Variants in CPA6 observed in about 807,000 individuals in gnomAD.
The protein encoded by CPA6 is carboxypeptidase A6.
In CPA6, 58 loss-of-function variants were observed where a neutral mutation model predicts 63.3. The ratio of observed to expected loss-of-function variants is 0.92; its 90% CI spans 0.74 to 1.14. CPA6 has a LOEUF of 1.14. Ranked by LOEUF, CPA6 falls within the 50% of genes most tolerant of loss-of-function variation. CPA6 has a pLI of 0.00. For synonymous variants in CPA6, 185 were observed against 179.0 expected (o/e 1.03, Z -0.27); for missense variants, 565 against 526.6 (o/e 1.07, Z -0.71).
intron 2 of CPA6, among the ~76,000 whole-genome samples, chr8:67,612,625 C>G (rs1814840463): frequency 6.6e-6 from 1 of 152,196 alleles, no homozygotes. Context: ...AGCAAAACAT[C>G]TAAGAGATGT....
At position 67,503,098 on chromosome 8, in the gene CPA6, G is replaced by T. The variant is rs1440910143; in HGVS notation, c.636+3689C>A. On this transcript the variant is annotated intron_variant, in intron 6 of 10. Coordinates refer to ENST00000297770, the MANE Select transcript of CPA6 (RefSeq NM_020361.5). ...CTGTTGCCCAGGCTGGAGTGTAGTG[G>T]CATGATCCTGGCTCACTGCAACCTC... Among the ~76,000 whole-genome samples, 4 of 151,892 alleles carry T rather than the reference G, an allele frequency of 2.6e-5. No individual in the cohort carries two copies. In the South Asian group the frequency reaches 8.3e-4, roughly 32 times the overall value.
At chr8:67,722,687 C>A (rs909668400) in intron 1 of CPA6, among the ~76,000 whole-genome samples, 2 of 152,046 alleles carry the variant, frequency 1.3e-5, no homozygotes, top group Admixed American at 6.6e-5. Context: ...CCCTATGATA[C>A]CCTTATTTCA....
intron 9 of CPA6, among the ~76,000 whole-genome samples, chr8:67,433,428 C>G (rs771423990): frequency 6.6e-6 from 1 of 152,148 alleles, no homozygotes; most frequent in Non-Finnish European, 1.5e-5. Context: ...GAGAAAGAAA[C>G]TCTGCTTTTT....
chr8:67,555,207 A>G (rs1240747256), intron 2 of CPA6, among the ~76,000 whole-genome samples: 1 of 152,176 alleles, frequency 6.6e-6, no homozygotes, highest in African/African-American at 2.4e-5. Context: ...GGAGGACCCT[A>G]GATAGCTTCA....
At chr8:67,433,268 G>A (rs894664790) in intron 9 of CPA6, among the ~76,000 whole-genome samples, 3 of 152,170 alleles carry the variant, frequency 2.0e-5, no homozygotes, top group African/African-American at 7.2e-5. Context: ...TTCCCCAGAG[G>A]TAAGTACCAC....
At chr8:67,595,415 G>T (rs570268136) in intron 2 of CPA6, among the ~76,000 whole-genome samples, 2 of 152,382 alleles carry the variant, frequency 1.3e-5, no homozygotes, top group East Asian at 1.9e-4. Flanking sequence ...CCTCAAAGCT[G>T]TCAGACAGGG....
At chr8:67,737,654 A>G (rs913634711) in intron 1 of CPA6, among the ~76,000 whole-genome samples, 2 of 152,194 alleles carry the variant, frequency 1.3e-5, no homozygotes, top group African/African-American at 2.4e-5. Flanking sequence ...CTGCTCTTTC[A>G]TCTCTGTAGT....
At chr8:67,525,257 A>G (rs1427392228) in intron 2 of CPA6, among the ~76,000 whole-genome samples, 2 of 152,222 alleles carry the variant, frequency 1.3e-5, no homozygotes, top group African/African-American at 2.4e-5. Flanking sequence ...AGTCCCAATA[A>G]TTCCAACAAA....
chr8:67,532,518 C>T (rs1812498652), intron 2 of CPA6, among the ~76,000 whole-genome samples: 1 of 151,768 alleles, frequency 6.6e-6, no homozygotes, highest in Admixed American at 6.6e-5. Flanking sequence ...CTCTACAAAA[C>T]AAAAAATACG....
At chr8:67,452,004 G>A (rs562445254) in intron 8 of CPA6, among the ~76,000 whole-genome samples, 29 of 152,220 alleles carry the variant, frequency 1.9e-4, no homozygotes, top group South Asian at 1.0e-3. Flanking sequence ...AAGAAAATAC[G>A]GAGTGATAAC....
intron 2 of CPA6, among the ~76,000 whole-genome samples, chr8:67,591,201 T>C (rs988604800): frequency 7.2e-5 from 11 of 152,210 alleles, no homozygotes; most frequent in African/African-American, 2.4e-4. Flanking sequence ...GTTGTAGATA[T>C]GCGGCATTAT....
At chr8:67,535,267 T>C (rs1812561304) in intron 2 of CPA6, among the ~76,000 whole-genome samples, 1 of 152,218 alleles carries the variant, frequency 6.6e-6, no homozygotes, top group Non-Finnish European at 1.5e-5. Context: ...TTCTAGATCC[T>C]TGAGGAATCA....
At chr8:67,688,746 AT>A (rs1655319569) in intron 1 of CPA6, among the ~76,000 whole-genome samples, 1 of 152,224 alleles carries the variant, frequency 6.6e-6, no homozygotes, top group African/African-American at 2.4e-5. Context: ...AAAAGAACAA[AT>A]GATTTTAACA....
chr8:67,683,869 G>A (rs528759166), intron 1 of CPA6, among the ~76,000 whole-genome samples: 47 of 151,590 alleles, frequency 3.1e-4, no homozygotes, highest in African/African-American at 1.1e-3. Context: ...CTGTTGCCCA[G>A]GCTGGAGTGC....
intron 2 of CPA6, among the ~76,000 whole-genome samples, chr8:67,584,153 G>A (rs72657239): frequency 0.1 from 15,901 of 152,074 alleles, 923 homozygotes; most frequent in Middle Eastern, 0.19. Flanking sequence ...GCCAGACTCC[G>A]TCTCAAAACA....
chr8:67,713,083 A>ATGTGTGTGTGTGTG lies in CPA6; in HGVS notation c.116+32917_116+32930dup, dbSNP rs368243285. 6.3e-4 allele frequency among the ~76,000 whole-genome samples: 48 copies of ATGTGTGTGTGTGTG among 75,814 alleles called. 3 individuals are homozygous for ATGTGTGTGTGTGTG. Among genetic ancestry groups the ATGTGTGTGTGTGTG allele is most frequent in the African/African-American group, 2.3e-3 (44 of 18,800 alleles). 49.7% of individuals were successfully genotyped at this position (75,814 alleles called of 152,430 possible). On this transcript the variant is annotated intron_variant, in intron 1 of 10. Coordinates refer to ENST00000297770, the MANE Select transcript of CPA6 (RefSeq NM_020361.5). ...TAAGCATGTGTGTATCTGTGTGTGT[A>ATGTGTGTGTGTGTG]TGTGTGTGTGTGTGTGTATATATAT... is the stretch of plus-strand genomic sequence containing the variant.
At chr8:67,680,211 A>G (rs1298406176) in intron 1 of CPA6, among the ~76,000 whole-genome samples, 1 of 152,180 alleles carries the variant, frequency 6.6e-6, no homozygotes, top group Non-Finnish European at 1.5e-5. Context: ...GTAACTGTAT[A>G]AGCTTTTCAG....
At chr8:67,673,286 A>G (rs1209308084) in intron 1 of CPA6, among the ~76,000 whole-genome samples, 1 of 151,820 alleles carries the variant, frequency 6.6e-6, no homozygotes, top group Non-Finnish European at 1.5e-5. Context: ...ATATACAATG[A>G]TTTTAAATTT....
At chr8:67,728,187 C>T (rs1817639962) in intron 1 of CPA6, among the ~76,000 whole-genome samples, 2 of 151,748 alleles carry the variant, frequency 1.3e-5, no homozygotes, top group South Asian at 2.1e-4. Flanking sequence ...CCTTTGGGCC[C>T]ATTTAATTCC....
Sources: gnomAD v4.1 joint callset for allele counts (sites outside exome capture counted in the v4.1 genomes callset) on GRCh38, gnomAD v4.1.1 for gene constraint, MANE v1.5 for transcripts, NCBI Gene and HGNC (gene_info 2026-07-23, HGNC 2026-07-21) for gene names.